The following NDUFAF6 variants were observed in gnomAD, a reference collection of about 807,000 sequenced individuals.
NDUFAF6 encodes the protein NADH dehydrogenase (ubiquinone) complex I, assembly factor 6.
NDUFAF6 carries 45 observed loss-of-function variants against 40.8 expected under a neutral mutation model. The observed-to-expected ratio is 1.10, with a 90% confidence interval of 0.87 to 1.42. The LOEUF is 1.42. NDUFAF6 is among the 40% of genes most tolerant of loss of function. The pLI is 0.00. For synonymous variants in NDUFAF6, 185 were observed against 155.9 expected (o/e 1.19, Z -1.39); for missense variants, 435 against 418.5 (o/e 1.04, Z -0.34).
At chr8:95,114,634 T>C (rs1810088640) in intron 4 of NDUFAF6, among the ~76,000 whole-genome samples, 1 of 152,212 alleles carries the variant, frequency 6.6e-6, no homozygotes, top group Non-Finnish European at 1.5e-5. Flanking sequence ...CTTGCTGACT[T>C]TCTGTATATA....
At chr8:95,048,392 C>T in intron 6 of NDUFAF6, 65 bp from the exon 7 acceptor site, 2 of 1,124,388 alleles carry the variant, frequency 1.8e-6, no homozygotes, top group Non-Finnish European at 2.7e-6. Context: ...AATTTTCTTT[C>T]CTAGGTGAAC....
intron 1 of NDUFAF6, among the ~76,000 whole-genome samples, chr8:94,898,769 C>G (rs977889776): frequency 6.6e-6 from 1 of 152,016 alleles, no homozygotes; most frequent in African/African-American, 2.4e-5. Flanking sequence ...TCTCTTTTTC[C>G]CCATTCATTA....
chr8:95,025,100 C>T lies in NDUFAF6; in HGVS notation c.92C>T (p.Ala31Val), dbSNP rs897029989. The T allele has an allele frequency of 6.7e-7, 1 of 1,484,114 alleles. No homozygotes were observed. The highest frequency in any genetic ancestry group is 8.9e-7 in the Non-Finnish European group (1 of 1,127,854). 91.9% of individuals were successfully genotyped at this position (1,484,114 alleles called of 1,614,324 possible). The change falls in exon 1 of 9, where the codon GCG becomes GTG. Residue 31 changes from alanine to valine, a missense_variant. Physicochemically the swap from Ala to Val is moderately conservative, Grantham distance 64 (BLOSUM62 0). Coordinates refer to ENST00000396124, the MANE Select transcript of NDUFAF6 (RefSeq NM_152416.4). ...CCRRPPLGLY[A>V]RMRRLPGPEV... is the part of the protein sequence containing the mutation. ...CGCCGGCCGCCTCTGGGTCTGTACG[C>T]GCGCATGCGGCGGCTGCCCGGGCCG...
chr8:95,077,368 C>T (rs1380408729), downstream of NDUFAF6, among the ~76,000 whole-genome samples: 2 of 152,180 alleles, frequency 1.3e-5, no homozygotes. Flanking sequence ...CAATGGATGC[C>T]TGAAACCTTG....
chr8:94,902,969 T>G (rs1165567299), intron 1 of NDUFAF6, among the ~76,000 whole-genome samples: 2 of 152,178 alleles, frequency 1.3e-5, no homozygotes, highest in Non-Finnish European at 2.9e-5. Context: ...CTCAAAGTGC[T>G]GGGATTACAG....
At chr8:95,115,985 C>G (rs1587291344) in intron 5 of NDUFAF6, among the ~76,000 whole-genome samples, 1 of 152,004 alleles carries the variant, frequency 6.6e-6, no homozygotes. Context: ...CAAAAACACA[C>G]AAATTAGCCG....
downstream of NDUFAF6, among the ~76,000 whole-genome samples, chr8:95,118,246 G>T (rs1333586123): frequency 6.6e-6 from 1 of 152,120 alleles, no homozygotes; most frequent in Non-Finnish European, 1.5e-5. Flanking sequence ...GACCAAGATG[G>T]GATTCAAAAA....
chr8:94,946,084 AC>A (rs1821959798), intron 2 of NDUFAF6, among the ~76,000 whole-genome samples: 1 of 147,456 alleles, frequency 6.8e-6, no homozygotes, highest in Non-Finnish European at 1.5e-5. Context: ...CCACCACTTA[AC>A]ACATTGGTGC....
At chr8:95,109,601 G>T (rs1302363105) in intron 4 of NDUFAF6, among the ~76,000 whole-genome samples, 40 of 136,878 alleles carry the variant, frequency 2.9e-4, no homozygotes, top group South Asian at 6.7e-4. Context: ...GAGAGAGAGA[G>T]AGAGAGAGAG....
chr8:94,980,816 A>G (rs1202212477), intron 1 of NDUFAF6: 23 of 404,282 alleles, frequency 5.7e-5, no homozygotes, highest in Non-Finnish European at 1.0e-5. Flanking sequence ...TACCTCCATT[A>G]CCCCTTTTCT....
downstream of NDUFAF6, among the ~76,000 whole-genome samples, chr8:95,117,710 A>C (rs1810164424): frequency 6.6e-6 from 1 of 152,192 alleles, no homozygotes; most frequent in Non-Finnish European, 1.5e-5. Context: ...GACAAAAATG[A>C]CATATGTCTC....
chr8:94,937,101 A>AT (rs1376225106), intron 1 of NDUFAF6, among the ~76,000 whole-genome samples: 4 of 152,162 alleles, frequency 2.6e-5, no homozygotes. Flanking sequence ...GTGCCAAAAA[A>AT]ACCTACAACA....
intron 1 of NDUFAF6, among the ~76,000 whole-genome samples, chr8:95,027,082 G>C (rs1437407013): frequency 2.0e-5 from 3 of 152,064 alleles, no homozygotes; most frequent in Non-Finnish European, 4.4e-5. Flanking sequence ...TACATTATTA[G>C]TTATTTTTTA....
chr8:94,974,220 G>GTT lies in NDUFAF6; in HGVS notation c.-198-6630_-198-6629dup, dbSNP rs573760921. 8.7e-3 allele frequency among the ~76,000 whole-genome samples: 1,223 copies of GTT among 140,382 alleles called. 12 individuals are homozygous for GTT. Among genetic ancestry groups the GTT allele is most frequent in the African/African-American group, 0.03 (1,156 of 38,124 alleles). 92.1% of individuals were successfully genotyped at this position (140,382 alleles called of 152,430 possible). ...CAGGTGTCTACTTAGAGCCAAATCT[G>GTT]TTTTTTTTTTAAATTATCTTTATTA... On this transcript the variant is annotated intron_variant, in intron 1 of 9. Coordinates refer to the NDUFAF6 transcript ENST00000396111.
At chr8:94,940,037 G>A (rs1354337525) in intron 1 of NDUFAF6, 1 of 1,614,216 alleles carries the variant, frequency 6.2e-7, no homozygotes. Context: ...TGGGGGTGGG[G>A]TGATAAACCA....
At chr8:94,953,040 T>G (rs1822755650), upstream of NDUFAF6, among the ~76,000 whole-genome samples, 5 of 152,334 alleles carry the variant, frequency 3.3e-5, no homozygotes, top group South Asian at 1.0e-3. Context: ...GGTAACCCAA[T>G]TATTTATGTT....
At chr8:94,924,620 TAC>T (rs1819735957) in intron 1 of NDUFAF6, among the ~76,000 whole-genome samples, 1 of 152,184 alleles carries the variant, frequency 6.6e-6, no homozygotes, top group African/African-American at 2.4e-5. Context: ...CTAGACTCCA[TAC>T]AGTCACTGCC....
intron 8 of NDUFAF6, among the ~76,000 whole-genome samples, chr8:95,057,346 T>C (rs952135945): frequency 2.0e-5 from 3 of 152,224 alleles, no homozygotes; most frequent in African/African-American, 7.2e-5. Flanking sequence ...TTGAAAATCA[T>C]GTGCTCTAGC....
Position 95,058,057 on chromosome 8 carries a change from C to A in NDUFAF6, c.*120C>A. 1 of 1,476,318 alleles carries A rather than the reference C, an allele frequency of 6.8e-7. No homozygotes were observed. The highest frequency in any genetic ancestry group is 1.4e-5 in the South Asian group (1 of 70,320). The allele number at this position is 1,476,318 out of a possible 1,614,324, so 91.5% of individuals were successfully genotyped here. On this transcript the variant is annotated 3_prime_UTR_variant, in exon 9 of 9. Transcript: ENST00000396124. ...AAAATGAATTTATTGAATGGGATGT[C>A]AAGTAGCTCACAAAATTGAGAAGTT...
Sources: allele counts gnomAD v4.1 joint callset (sites outside exome capture counted in the v4.1 genomes callset), GRCh38; gene constraint gnomAD v4.1.1; transcripts MANE v1.5; gene names NCBI Gene and HGNC (gene_info 2026-07-23, HGNC 2026-07-21).